Variants in MTUS2 observed in about 807,000 individuals in gnomAD.
The protein encoded by MTUS2 is microtubule-associated tumor suppressor candidate 2.
MTUS2 carries 40 observed loss-of-function variants against 114.1 expected under a neutral mutation model. That is an observed-to-expected ratio of 0.35 (90% CI 0.27 to 0.46). MTUS2 has a LOEUF of 0.46. Ranked by LOEUF, MTUS2 falls within the 20% of genes least tolerant of loss-of-function variation. The pLI is 1.00. For missense variants in MTUS2, 1,679 were observed against 1,705.4 expected, an observed-to-expected ratio of 0.98 and a Z score of 0.27; for synonymous variants, 688 against 672.0, an observed-to-expected ratio of 1.02 and a Z score of -0.37.
chr13:29,257,627 G>C (rs940371831), intron 5 of MTUS2, among the ~76,000 whole-genome samples: 1 of 152,164 alleles, frequency 6.6e-6, no homozygotes, highest in Admixed American at 6.5e-5. Context: ...TTGAAAGGTC[G>C]TCAACTGGAA....
At chr13:29,085,255 C>G (rs146301872) in intron 4 of MTUS2, among the ~76,000 whole-genome samples, 1 of 152,064 alleles carries the variant, frequency 6.6e-6, no homozygotes, top group Non-Finnish European at 1.5e-5. Context: ...TTTTCTTTTT[C>G]TTTTATTTAG....
chr13:29,359,192 A>G, intron 7 of MTUS2, 70 bp from the exon 8 acceptor site: 1 of 1,383,010 alleles, frequency 7.2e-7, no homozygotes, highest in South Asian at 1.4e-5. Context: ...TTGTGTAATA[A>G]GAAGCCGTTG....
At chr13:29,166,246 G>A (rs1001509490) in intron 5 of MTUS2, among the ~76,000 whole-genome samples, 1 of 152,150 alleles carries the variant, frequency 6.6e-6, no homozygotes, top group Admixed American at 6.5e-5. Flanking sequence ...CACAAGTTAC[G>A]GGATCTTTGA....
At chr13:28,842,916 C>A (rs7986395) in intron 2 of MTUS2, among the ~76,000 whole-genome samples, 342 of 152,140 alleles carry the variant, frequency 2.2e-3, no homozygotes, top group Non-Finnish European at 4.0e-3. Context: ...TCCTTAGAAC[C>A]CCCTCTGGGA....
chr13:28,921,800 A>G (rs150465501), intron 2 of MTUS2, among the ~76,000 whole-genome samples: 2 of 152,214 alleles, frequency 1.3e-5, no homozygotes, highest in Non-Finnish European at 2.9e-5. Context: ...TTTGCTCTCC[A>G]ATATAACAGG....
intron 9 of MTUS2, among the ~76,000 whole-genome samples, chr13:29,452,401 T>G (rs992362315): frequency 6.6e-6 from 1 of 152,134 alleles, no homozygotes; most frequent in Non-Finnish European, 1.5e-5. Context: ...AAGATAACTT[T>G]TTTCTGATAT....
intron 2 of MTUS2, among the ~76,000 whole-genome samples, chr13:29,010,179 C>G (rs1885774674): frequency 6.7e-6 from 1 of 150,224 alleles, no homozygotes; most frequent in Non-Finnish European, 1.5e-5. Flanking sequence ...CCACTGCACT[C>G]CAGCCTGGGC....
intron 5 of MTUS2, among the ~76,000 whole-genome samples, chr13:29,146,559 C>T (rs1302297342): frequency 1.3e-5 from 2 of 152,184 alleles, no homozygotes; most frequent in African/African-American, 4.8e-5. Flanking sequence ...AATAATTTGT[C>T]ATTTTTAAAT....
At chr13:29,348,930 C>T (rs1868983537) in intron 7 of MTUS2, among the ~76,000 whole-genome samples, 1 of 151,996 alleles carries the variant, frequency 6.6e-6, no homozygotes, top group South Asian at 2.1e-4. Context: ...ATCTATTTGT[C>T]TATTGATTTT....
At chr13:29,200,259 T>G (rs1037251008) in intron 5 of MTUS2, among the ~76,000 whole-genome samples, 13 of 152,074 alleles carry the variant, frequency 8.5e-5, no homozygotes, top group Non-Finnish European at 1.9e-4. Flanking sequence ...CTCTTGCTTC[T>G]CGAGGTCTTT....
At chr13:29,040,134 C>G (rs879240730) in intron 4 of MTUS2, among the ~76,000 whole-genome samples, 3 of 152,186 alleles carry the variant, frequency 2.0e-5, no homozygotes, top group East Asian at 1.9e-4. Context: ...CACCCATTCC[C>G]CAAGTCCCCA....
intron 5 of MTUS2, among the ~76,000 whole-genome samples, chr13:29,185,941 T>C (rs1271067584): frequency 6.6e-6 from 1 of 152,170 alleles, no homozygotes; most frequent in African/African-American, 2.4e-5. Flanking sequence ...GCCTGATGGC[T>C]CGTATCTTTA....
At chr13:29,387,527 C>G (rs3121749) in intron 8 of MTUS2, among the ~76,000 whole-genome samples, 1 of 151,946 alleles carries the variant, frequency 6.6e-6, no homozygotes, top group Non-Finnish European at 1.5e-5. Context: ...TCATGAGCCC[C>G]TGAAGATCAC....
intron 2 of MTUS2, among the ~76,000 whole-genome samples, chr13:28,904,660 TGTA>T (rs1879869383): frequency 6.6e-6 from 1 of 152,150 alleles, no homozygotes; most frequent in South Asian, 2.1e-4. Flanking sequence ...ACTGTAGCCT[TGTA>T]GTATAGTTTG....
At chr13:28,857,870 C>T (rs1193911965) in intron 2 of MTUS2, among the ~76,000 whole-genome samples, 1 of 152,178 alleles carries the variant, frequency 6.6e-6, no homozygotes, top group African/African-American at 2.4e-5. Flanking sequence ...CCATTCTTTC[C>T]AGAGATCCTT....
In MTUS2 at chr13:29,053,865, C is replaced by CTA. The variant is rs577632768; in HGVS notation, c.2446+19742_2446+19743dup. On this transcript the variant is annotated intron_variant, in intron 4 of 15. Coordinates refer to ENST00000612955, the MANE Select transcript of MTUS2 (RefSeq NM_001033602.4). ...TTTTTGGCTCTAACAAATGAAGGTG[C>CTA]TATGAATGTTCATGTACAAGTCTTT... Among the ~76,000 whole-genome samples, 21 of 152,266 alleles carry CTA rather than the reference C, an allele frequency of 1.4e-4. No individual in the cohort carries two copies. The South Asian group carries it at 2.1e-3, about 15-fold the overall frequency.
chr13:29,259,703 A>T (rs1205615955), intron 5 of MTUS2, among the ~76,000 whole-genome samples: 1 of 152,244 alleles, frequency 6.6e-6, no homozygotes, highest in African/African-American at 2.4e-5. Context: ...CACCCATCAA[A>T]GCGTTACTAA....
rs535754349 is a variant in MTUS2 at position 29,095,341 on chromosome 13, A to T, written c.2447-5432A>T. 3.9e-5 allele frequency among the ~76,000 whole-genome samples: 6 copies of T among 152,182 alleles called. No individual in the cohort carries two copies. In the South Asian group the frequency reaches 1.2e-3, roughly 32 times the overall value. On this transcript the variant is annotated intron_variant, in intron 4 of 15. Transcript: ENST00000612955. ...AATTTGGGTATCTGTTGTTAGGTGTATATACGTTTATAATTATTGTATCTT... is the reference window on the plus strand; with the variant it reads ...AATTTGGGTATCTGTTGTTAGGTGTTTATACGTTTATAATTATTGTATCTT...
intron 12 of MTUS2, among the ~76,000 whole-genome samples, chr13:29,495,804 G>A (rs577770826): frequency 1.3e-5 from 2 of 151,994 alleles, no homozygotes; most frequent in East Asian, 3.9e-4. Flanking sequence ...CTGGGAGGTG[G>A]AGGTTGCAGT....
Sources: allele counts gnomAD v4.1 joint callset (sites outside exome capture counted in the v4.1 genomes callset), GRCh38; gene constraint gnomAD v4.1.1; transcripts MANE v1.5; gene names NCBI Gene and HGNC (gene_info 2026-07-23, HGNC 2026-07-21).